The following CCDC178 variants were observed in gnomAD, a reference collection of about 807,000 sequenced individuals.
CCDC178 encodes coiled-coil domain-containing protein 178.
Under a neutral mutation model 117.4 loss-of-function variants are expected in CCDC178, and 126 were observed. That is an observed-to-expected ratio of 1.07 (90% confidence interval 0.93 to 1.24). The LOEUF (loss-of-function observed/expected upper bound fraction) is 1.24, where lower values mean the gene tolerates loss of function less well. CCDC178 is among the 50% of genes most tolerant of loss of function. CCDC178 has a pLI of 0.00. For synonymous variants in CCDC178, 283 were observed against 313.4 expected, an observed-to-expected ratio of 0.90 and a Z score of 1.02; for missense variants, 1,030 against 986.9, an observed-to-expected ratio of 1.04 and a Z score of -0.59.
At chr18:33,004,443 T>G (rs377609977) in intron 21 of CCDC178, among the ~76,000 whole-genome samples, 1 of 152,040 alleles carries the variant, frequency 6.6e-6, no homozygotes, top group Admixed American at 6.6e-5. Context: ...TGCAGAAGAA[T>G]GAAACAAGAC....
At chr18:33,306,562 GT>G (rs2062256563) in intron 11 of CCDC178, among the ~76,000 whole-genome samples, 1 of 89,656 alleles carries the variant, frequency 1.1e-5, no homozygotes, top group African/African-American at 4.3e-5. Flanking sequence ...TATATATATG[GT>G]TATATATAAT....
intron 21 of CCDC178, among the ~76,000 whole-genome samples, chr18:33,017,780 C>T (rs1243778839): frequency 1.3e-5 from 2 of 151,694 alleles, no homozygotes; most frequent in African/African-American, 4.8e-5. Flanking sequence ...CAGAAATATG[C>T]ATAGAAAATG....
At chr18:33,119,628 G>T (rs754996353) in intron 20 of CCDC178, among the ~76,000 whole-genome samples, 8 of 152,132 alleles carry the variant, frequency 5.3e-5, no homozygotes, top group Non-Finnish European at 7.4e-5. Flanking sequence ...ACAGTGTGGC[G>T]ATTCCTCAAG....
chr18:33,344,803 G>GCACACACA (rs63067861), intron 9 of CCDC178, among the ~76,000 whole-genome samples: 9 of 120,844 alleles, frequency 7.4e-5, no homozygotes, highest in Admixed American at 1.8e-4. Context: ...TGCCTCTAAA[G>GCACACACA]CACACACACA....
At chr18:33,398,821 A>G (rs1276613815) in intron 3 of CCDC178, among the ~76,000 whole-genome samples, 1 of 152,218 alleles carries the variant, frequency 6.6e-6, no homozygotes, top group Non-Finnish European at 1.5e-5. Context: ...GTTATATTTT[A>G]TACTGTAGTC....
At chr18:33,188,893 G>A (rs187431471) in intron 20 of CCDC178, among the ~76,000 whole-genome samples, 10 of 152,248 alleles carry the variant, frequency 6.6e-5, no homozygotes, top group Admixed American at 5.2e-4. Context: ...AAGTATTAAG[G>A]GATAGAAATA....
chr18:33,379,138 CCATATATATATAATATATAT>C (rs2063403049), intron 5 of CCDC178, among the ~76,000 whole-genome samples: 1 of 120,702 alleles, frequency 8.3e-6, no homozygotes, highest in East Asian at 2.5e-4. Context: ...ATATATATTT[CCATATATATATAATATATAT>C]ATTTCCATAT....
chr18:33,202,761 C>A (rs536309851), intron 20 of CCDC178, among the ~76,000 whole-genome samples: 69 of 152,308 alleles, frequency 4.5e-4, no homozygotes, highest in African/African-American at 1.5e-3. Context: ...ACATTACACT[C>A]CACAAAAAGT....
At chr18:33,110,569 C>A (rs1411596731) in intron 20 of CCDC178, among the ~76,000 whole-genome samples, 2 of 151,552 alleles carry the variant, frequency 1.3e-5, no homozygotes, top group African/African-American at 4.8e-5. Flanking sequence ...GTTTTATGTA[C>A]ATTGTGAAAT....
chr18:32,947,436 G>C (rs1374725044), intron 22 of CCDC178, among the ~76,000 whole-genome samples: 1 of 152,086 alleles, frequency 6.6e-6, no homozygotes, highest in Non-Finnish European at 1.5e-5. Context: ...GTTTTAATTT[G>C]CCTTTCATAA....
intron 21 of CCDC178, among the ~76,000 whole-genome samples, chr18:33,047,343 AC>A (rs1370394638): frequency 3.3e-5 from 5 of 152,154 alleles, no homozygotes; most frequent in Non-Finnish European, 7.3e-5. Flanking sequence ...TCTGTGTCTC[AC>A]AGTTTTAACC....
At chr18:33,396,248 GA>G (rs1348328351) in intron 4 of CCDC178, among the ~76,000 whole-genome samples, 1 of 151,942 alleles carries the variant, frequency 6.6e-6, no homozygotes. Flanking sequence ...ACCACAATAA[GA>G]CATTGCTACA....
intron 20 of CCDC178, among the ~76,000 whole-genome samples, chr18:33,189,398 A>G (rs1202124244): frequency 6.6e-6 from 1 of 152,204 alleles, no homozygotes; most frequent in Non-Finnish European, 1.5e-5. Context: ...TTGTCTTGAC[A>G]TGAATATATT....
At chr18:32,952,383 G>A (rs1236184766) in intron 22 of CCDC178, among the ~76,000 whole-genome samples, 2 of 152,142 alleles carry the variant, frequency 1.3e-5, no homozygotes, top group African/African-American at 2.4e-5. Flanking sequence ...CTGTGCACCC[G>A]CAGGCCCAAC....
At chr18:33,272,847 C>A (rs1202474410) in intron 12 of CCDC178, among the ~76,000 whole-genome samples, 1 of 151,034 alleles carries the variant, frequency 6.6e-6, no homozygotes. Context: ...ATTTCTATAC[C>A]CTTTTGTAAT....
At chr18:33,202,065 T>C (rs2058995216) in intron 20 of CCDC178, among the ~76,000 whole-genome samples, 1 of 152,088 alleles carries the variant, frequency 6.6e-6, no homozygotes, top group Non-Finnish European at 1.5e-5. Flanking sequence ...ACTCTACCTC[T>C]GCAAGGTGAA....
intron 2 of CCDC178, among the ~76,000 whole-genome samples, chr18:33,424,122 T>C (rs1381412242): frequency 6.6e-6 from 1 of 152,200 alleles, no homozygotes; most frequent in African/African-American, 2.4e-5. Flanking sequence ...AATATATTGG[T>C]ATTCTTCCAG....
intron 22 of CCDC178, 67 bp downstream of exon 22, chr18:32,974,479 AC>A (rs2144694874): frequency 7.0e-7 from 1 of 1,434,168 alleles, no homozygotes; most frequent in South Asian, 1.2e-5. Flanking sequence ...ATGCTTCATC[AC>A]ACTACCCATC....
At chr18:33,306,996 C>T (rs2062264680) in intron 11 of CCDC178, among the ~76,000 whole-genome samples, 1 of 152,302 alleles carries the variant, frequency 6.6e-6, no homozygotes, top group South Asian at 2.1e-4. Context: ...TTTCCTGAGG[C>T]CTCCCCAGCC....
Sources: allele counts gnomAD v4.1 joint callset (sites outside exome capture counted in the v4.1 genomes callset), GRCh38; gene constraint gnomAD v4.1.1; transcripts MANE v1.5; gene names NCBI Gene and HGNC (gene_info 2026-07-23, HGNC 2026-07-21).